FOCAD: variants seen among roughly 807,000 people sequenced by gnomAD.
FOCAD encodes the protein KIAA1797.
FOCAD carries 198 observed loss-of-function variants against 225.6 expected under a neutral mutation model. That is an observed-to-expected ratio of 0.88 (90% confidence interval 0.78 to 0.99). The LOEUF (loss-of-function observed/expected upper bound fraction) is 0.99, where lower values mean the gene tolerates loss of function less well. Among genes scored for constraint, FOCAD ranks in the 50% least tolerant of loss-of-function variants. The pLI is 0.00. For missense variants in FOCAD, 2,713 were observed against 2,123.6 expected (o/e 1.28, Z -5.46); for synonymous variants, 897 against 755.0 (o/e 1.19, Z -3.08).
At chr9:20,887,877 T>C (rs1280543429) in intron 21 of FOCAD, among the ~76,000 whole-genome samples, 3 of 152,192 alleles carry the variant, frequency 2.0e-5, no homozygotes, top group Non-Finnish European at 4.4e-5. Flanking sequence ...AAAATTTAGC[T>C]ATTCTTGTAG....
intron 5 of FOCAD, 65 bp from the exon 6 acceptor site, chr9:20,758,025 A>G: frequency 1.9e-6 from 2 of 1,042,456 alleles, no homozygotes; most frequent in Non-Finnish European, 2.8e-6. Flanking sequence ...TTGCTGCTAT[A>G]TTTGGATATT....
Position 20,866,917 on chromosome 9 carries a change from T to TTTTTTTTTTTTTAA in FOCAD, c.2107-12_2107-11insTTTTTTTTTTTTAA. 1.4e-5 allele frequency: 11 copies of TTTTTTTTTTTTTAA among 764,972 alleles called. No individual in the cohort carries two copies. Among genetic ancestry groups the TTTTTTTTTTTTTAA allele is most frequent in the South Asian group, 1.8e-5 (1 of 54,450 alleles). 47.4% of individuals were successfully genotyped at this position (764,972 alleles called of 1,614,324 possible). A position where few individuals can be genotyped will look rare whatever the true frequency, so the allele number is the denominator to read the frequency against. On this transcript the variant is annotated splice_polypyrimidine_tract_variant and intron_variant, in intron 17 of 43. Transcript: ENST00000338382. ...TTTTTTTTTTTTTTTTTTTTTTTTT[T>TTTTTTTTTTTTTAA]ACCCTATCTAGGACCCAATTGTAGC...
chr9:20,684,144 G>C (rs1822508373), upstream of FOCAD: 1 of 152,278 alleles, frequency 6.6e-6, no homozygotes, highest in Non-Finnish European at 1.5e-5. Flanking sequence ...GAGCCGGGGA[G>C]GGCGGGCCCC....
chr9:20,722,943 T>G (rs979422265), intron 4 of FOCAD, among the ~76,000 whole-genome samples: 3 of 152,224 alleles, frequency 2.0e-5, no homozygotes, highest in Non-Finnish European at 4.4e-5. Context: ...AGTTAAAGTA[T>G]CAGCAGCTCA....
intron 11 of FOCAD, among the ~76,000 whole-genome samples, chr9:20,812,926 A>G (rs969092655): frequency 5.9e-5 from 9 of 152,098 alleles, no homozygotes; most frequent in Admixed American, 5.9e-4. Context: ...ACTGTACAGT[A>G]TTGTTAAGTA....
At chr9:20,787,301 C>T (rs976766734) in intron 10 of FOCAD, among the ~76,000 whole-genome samples, 1 of 151,948 alleles carries the variant, frequency 6.6e-6, no homozygotes. Flanking sequence ...TACTATTTAC[C>T]TGTATTTTGC....
chr9:20,813,915 G>C (rs1823360878), intron 11 of FOCAD, among the ~76,000 whole-genome samples: 1 of 152,048 alleles, frequency 6.6e-6, no homozygotes, highest in Non-Finnish European at 1.5e-5. Context: ...CTATGATGTT[G>C]GTTGCATATA....
intron 10 of FOCAD, among the ~76,000 whole-genome samples, chr9:20,785,639 C>T (rs1819838737): frequency 6.6e-6 from 1 of 152,166 alleles, no homozygotes; most frequent in South Asian, 2.1e-4. Flanking sequence ...GGATACCTTA[C>T]ATTTTACTTT....
At chr9:20,851,405 G>A (rs957249800) in intron 15 of FOCAD, among the ~76,000 whole-genome samples, 3 of 151,772 alleles carry the variant, frequency 2.0e-5, no homozygotes, top group African/African-American at 7.3e-5. Context: ...GAGCAGTGCG[G>A]AAGGTTAAAC....
chr9:20,958,696 T>C (rs1287788820), intron 35 of FOCAD, among the ~76,000 whole-genome samples: 1 of 152,162 alleles, frequency 6.6e-6, no homozygotes, highest in East Asian at 1.9e-4. Context: ...TTCCCCCTGC[T>C]CTTTCCTAGC....
At chr9:20,882,940 C>T (rs975204583) in intron 20 of FOCAD, among the ~76,000 whole-genome samples, 1 of 152,032 alleles carries the variant, frequency 6.6e-6, no homozygotes, top group East Asian at 1.9e-4. Context: ...GGGAGATATA[C>T]CCTGGCAAAG....
intron 18 of FOCAD, among the ~76,000 whole-genome samples, chr9:20,873,187 G>C (rs1352272131): frequency 2.0e-5 from 3 of 151,990 alleles, no homozygotes; most frequent in African/African-American, 4.8e-5. Context: ...TATATACCTA[G>C]GAGTGAAACT....
intron 15 of FOCAD, among the ~76,000 whole-genome samples, chr9:20,853,041 T>C (rs1827824343): frequency 6.6e-6 from 1 of 151,798 alleles, no homozygotes; most frequent in South Asian, 2.1e-4. Flanking sequence ...CTAATCATTT[T>C]CTTGTCAAGG....
intron 4 of FOCAD, among the ~76,000 whole-genome samples, chr9:20,736,512 T>G (rs992264984): frequency 3.3e-5 from 5 of 152,164 alleles, no homozygotes; most frequent in Non-Finnish European, 5.9e-5. Flanking sequence ...AAGCAGATTT[T>G]GAGCTAAGAG....
chr9:20,771,879 C>A (rs910454428), intron 8 of FOCAD, among the ~76,000 whole-genome samples: 1 of 152,196 alleles, frequency 6.6e-6, no homozygotes, highest in Non-Finnish European at 1.5e-5. Context: ...TGGCTTTCCT[C>A]GCATGATAGG....
chr9:20,788,480 G>A (rs1820172455), intron 10 of FOCAD, among the ~76,000 whole-genome samples: 1 of 152,108 alleles, frequency 6.6e-6, no homozygotes, highest in African/African-American at 2.4e-5. Flanking sequence ...TCTTAATAAA[G>A]CTGTTATTTA....
chr9:20,708,928 T>C (rs1196132258), intron 1 of FOCAD, among the ~76,000 whole-genome samples: 2 of 152,172 alleles, frequency 1.3e-5, no homozygotes, highest in African/African-American at 2.4e-5. Context: ...CCAACTACCT[T>C]GTATATCAGT....
chr9:20,928,039 T>C (rs1487033427), intron 26 of FOCAD: 1 of 152,188 alleles, frequency 6.6e-6, no homozygotes, highest in African/African-American at 2.4e-5. Context: ...GATGATTTAC[T>C]TTCTGTCAGA....
At chr9:20,946,676 T>C (rs917660239) in intron 29 of FOCAD, 25 bp from the exon 30 acceptor site, 8 of 1,592,994 alleles carry the variant, frequency 5.0e-6, no homozygotes, top group Non-Finnish European at 6.8e-6. Flanking sequence ...TGAAGACATA[T>C]TTTTCTGCTG....
Sources: gnomAD v4.1 joint callset for allele counts (sites outside exome capture counted in the v4.1 genomes callset) on GRCh38, gnomAD v4.1.1 for gene constraint, MANE v1.5 for transcripts, NCBI Gene and HGNC (gene_info 2026-07-23, HGNC 2026-07-21) for gene names.